The following RANGRF variants were observed in gnomAD, a reference collection of about 807,000 sequenced individuals.
RANGRF encodes the protein MOG1 homolog.
A neutral mutation model predicts 21.8 loss-of-function variants in RANGRF; 17 were observed. The observed-to-expected ratio is 0.78, with a 90% CI of 0.53 to 1.17. The LOEUF (loss-of-function observed/expected upper bound fraction) is 1.17, where lower values mean the gene tolerates loss of function less well. Ranked by LOEUF, RANGRF falls within the 50% of genes most tolerant of loss-of-function variation. The probability of loss-of-function intolerance (pLI) is 0.00; values close to 1 mark genes in which losing one functional copy is unlikely to be tolerated. For synonymous variants in RANGRF, 97 were observed against 94.3 expected, an observed-to-expected ratio of 1.03 and a Z score of -0.17; for missense variants, 225 against 235.5, an observed-to-expected ratio of 0.96 and a Z score of 0.29.
At chr17:8,289,730 G>C in intron 4 of RANGRF, 83 bp from the exon 5 acceptor site, 1 of 1,613,950 alleles carries the variant, frequency 6.2e-7, no homozygotes, top group Admixed American at 1.7e-5. Context: ...CTGATACCCA[G>C]GTCCTCTGGG....
rs1990292207 is a variant in RANGRF at position 8,289,310 on chromosome 17, G to A, written c.247G>A (p.Glu83Lys). The A allele has an allele frequency of 1.9e-6, 3 of 1,614,016 alleles. No individual in the cohort carries two copies. Among genetic ancestry groups the A allele is most frequent in the Admixed American group, 1.7e-5 (1 of 60,006 alleles). Reference sequence around the variant, plus strand: ...GCAGGGGGCTAGGGCTGTCCATGTGGAGTCTGTTCAGCCTCTCAGTTTGGA... The same window carrying A: ...GCAGGGGGCTAGGGCTGTCCATGTGAAGTCTGTTCAGCCTCTCAGTTTGGA... ...GVQGARAVHV[E>K]SVQPLSLENL... The change falls in exon 3 of 5, where the codon GAG becomes AAG. Residue 83 changes from glutamate (E) to lysine (K), a missense_variant. By Grantham distance (56) the Glu-to-Lys change is moderately conservative. Transcript: ENST00000226105.
rs762109580 is a variant in RANGRF, at chr17:8,289,010, C to A, written c.132C>A (p.Asp44Glu). The change falls in exon 2 of 5, where the codon GAC becomes GAA. Residue 44 changes from aspartate to glutamate, a missense_variant. By Grantham distance (45) the Asp-to-Glu change is conservative (BLOSUM62 2). Coordinates refer to ENST00000226105, the MANE Select transcript of RANGRF (RefSeq NM_016492.5). ...AAGTTTTCTGCCATCCCGTGACGGA[C>A]CAGAGCCTGATAGTGGAACTTCTCG... Reference protein sequence around the residue: ...NQEVFCHPVTDQSLIVELLEL... With the variant: ...NQEVFCHPVTEQSLIVELLEL... The A allele has an allele frequency of 2.0e-5, 33 of 1,613,998 alleles. No homozygotes were observed. Among genetic ancestry groups the A allele is most frequent in the Non-Finnish European group, 2.6e-5 (31 of 1,180,040 alleles).
chr17:8,289,311 A>C lies in RANGRF; in HGVS notation c.248A>C (p.Glu83Ala). 6.2e-7 allele frequency: 1 copy of C among 1,614,028 alleles called. No homozygotes were observed. The highest frequency in any genetic ancestry group is 1.1e-5 in the South Asian group (1 of 91,066). ...GVQGARAVHV[E>A]SVQPLSLENL... ...CAGGGGGCTAGGGCTGTCCATGTGG[A>C]GTCTGTTCAGCCTCTCAGTTTGGAG... The change falls in exon 3 of 5, where the codon GAG (glutamate) becomes GCG (alanine). Residue 83 changes from glutamate (E) to alanine (A), a missense_variant. Glu to Ala is a moderately radical substitution (Grantham distance 107). Coordinates refer to ENST00000226105, the MANE Select transcript of RANGRF (RefSeq NM_016492.5).
At chr17:8,289,103 C>A in intron 2 of RANGRF, 31 bp downstream of exon 2, 14 of 1,608,658 alleles carry the variant, frequency 8.7e-6, no homozygotes, top group Non-Finnish European at 1.2e-5. Context: ...TGGCCAATGG[C>A]AGGGGCGGGG....
chr17:8,289,089 C>T lies in RANGRF; in HGVS notation c.194+17C>T. Reference sequence around the variant, plus strand: ...GGCTGCGCGGTGAGGGAATGGCCCCCGGCTGGCCAATGGCAGGGGCGGGGT... The same window carrying T: ...GGCTGCGCGGTGAGGGAATGGCCCCTGGCTGGCCAATGGCAGGGGCGGGGT... On this transcript the variant is annotated intron_variant, in intron 2 of 4. Coordinates refer to ENST00000226105, the MANE Select transcript of RANGRF (RefSeq NM_016492.5). 1 of 1,612,350 alleles carries T rather than the reference C, an allele frequency of 6.2e-7. No individual in the cohort carries two copies. The highest frequency in any genetic ancestry group is 8.5e-7 in the Non-Finnish European group (1 of 1,179,310).
chr17:8,289,260 ACCACTTT>A lies in RANGRF; in HGVS notation c.198_204del (p.Tyr66Ter). 6.2e-7 allele frequency: 1 copy of A among 1,613,506 alleles called. No homozygotes were observed. The highest frequency in any genetic ancestry group is 8.5e-7 in the Non-Finnish European group (1 of 1,179,974). The stretch of plus-strand genomic sequence containing the variant: ...CTGACCCCGCTTCCCTACTCCAGGT[ACCACTTT>A]GAGGATGTTGGTGGCGTGCAGGGGG... On this transcript the variant is annotated frameshift_variant, in exon 3 of 5. Transcript: ENST00000226105. LOFTEE classifies it high-confidence loss of function.
rs35420920 is a variant in RANGRF, at chr17:8,289,885, G to A, written c.510G>A (p.Gln170=). The A allele has an allele frequency of 2.2e-3, 3,592 of 1,614,180 alleles. 10 individuals carry two copies. The highest frequency in any genetic ancestry group is 2.6e-3 in the Non-Finnish European group (3,048 of 1,180,040). Residue 170 remains glutamine, a synonymous_variant, in exon 5 of 5, where the codon CAG becomes CAA. Transcript: ENST00000226105. ...CCTGGAGCCTGGGTGACTTTGAACA[G>A]CTGGTGACCAGTCTGACCCTTCACG... ...PAPWSLGDFE[Q]LVTSLTLHDP...
rs1486202799 is a variant in RANGRF, at chr17:8,289,449, G to A, written c.351+35G>A. The stretch of plus-strand genomic sequence containing the variant: ...CGAGAGTGTGTAATGTCCTGGAAGG[G>A]CGGTAGCGGGGACGCAGAGATCCAG... On this transcript the variant is annotated intron_variant, in intron 3 of 4. Coordinates refer to ENST00000226105, the MANE Select transcript of RANGRF (RefSeq NM_016492.5). The A allele has an allele frequency of 2.6e-5, 42 of 1,614,002 alleles. No homozygotes were observed. In the East Asian group the frequency reaches 8.9e-4, roughly 34 times the overall value.
At position 8,289,987 on chromosome 17, in the gene RANGRF, G is replaced by A; in HGVS notation, c.*51G>A. On this transcript the variant is annotated 3_prime_UTR_variant, in exon 5 of 5. Coordinates refer to ENST00000226105, the MANE Select transcript of RANGRF (RefSeq NM_016492.5). ...GCTGAGAACTTGGGGACTCGGTTCTGTGAGGGGGAAAAGAGGTTGAAAAGA... is the reference window on the plus strand; with the variant it reads ...GCTGAGAACTTGGGGACTCGGTTCTATGAGGGGGAAAAGAGGTTGAAAAGA... The A allele has an allele frequency of 1.2e-6, 2 of 1,611,908 alleles. No homozygotes were observed. Among genetic ancestry groups the A allele is most frequent in the South Asian group, 2.2e-5 (2 of 91,052 alleles).
At position 8,288,801 on chromosome 17, in the gene RANGRF, A is replaced by G; in HGVS notation, c.13A>G (p.Arg5Gly). MEPT[R>G]DCPLFGGAFS... ...CAGCCTCAGACCCATGGAGCCCACGAGAGACTGCCCGCTGTTCGGGGGCGC... is the reference window on the plus strand; with the variant it reads ...CAGCCTCAGACCCATGGAGCCCACGGGAGACTGCCCGCTGTTCGGGGGCGC... The change falls in exon 1 of 5, where the codon AGA becomes GGA. Residue 5 changes from arginine to glycine, a missense_variant. Physicochemically the swap from Arg to Gly is moderately radical, Grantham distance 125. Transcript: ENST00000226105. 1 of 1,614,098 alleles carries G rather than the reference A, an allele frequency of 6.2e-7. No individual in the cohort carries two copies. The highest frequency in any genetic ancestry group is 8.5e-7 in the Non-Finnish European group (1 of 1,180,004).
rs1990365553 is a variant in RANGRF at position 8,290,076 on chromosome 17, C to A, written c.*140C>A. 1.9e-6 allele frequency: 3 copies of A among 1,545,630 alleles called. No homozygotes were observed. The highest frequency in any genetic ancestry group is 2.6e-6 in the Non-Finnish European group (3 of 1,145,646). On this transcript the variant is annotated 3_prime_UTR_variant, in exon 5 of 5. Transcript: ENST00000226105. ...ACAATCCCTCTTCAGAATAAACTTG[C>A]TTTATAATCAATATAATCTCTGTGC...
intron 4 of RANGRF, 30 bp downstream of exon 4, chr17:8,289,618 A>T (rs769310747): frequency 6.2e-7 from 1 of 1,604,658 alleles, no homozygotes; most frequent in Admixed American, 1.7e-5. Context: ...CGGGTATCTC[A>T]TGACTGGGTT....
At chr17:8,289,726 C>T (rs2151610880) in intron 4 of RANGRF, 87 bp from the exon 5 acceptor site, 1 of 1,613,886 alleles carries the variant, frequency 6.2e-7, no homozygotes. Context: ...GTAACTGATA[C>T]CCAGGTCCTC....
chr17:8,289,050 G>C lies in RANGRF; in HGVS notation c.172G>C (p.Val58Leu). 1.2e-6 allele frequency: 2 copies of C among 1,613,836 alleles called. No individual in the cohort carries two copies. Among genetic ancestry groups the C allele is most frequent in the Non-Finnish European group, 1.7e-6 (2 of 1,179,988 alleles). ...IVELLELQAH[V>L]RGEAAARYHF... ...GGAACTTCTCGAGCTGCAGGCCCAC[G>C]TACGGGGCGAAGCGGCTGCGCGGTG... The change falls in exon 2 of 5, where the codon GTA becomes CTA. Residue 58 changes from valine to leucine, a missense_variant. Physicochemically the swap from Val to Leu is conservative, Grantham distance 32. Transcript: ENST00000226105.
intron 4 of RANGRF, 105 bp downstream of exon 4, chr17:8,289,693 C>A: frequency 6.2e-7 from 1 of 1,609,404 alleles, no homozygotes; most frequent in Admixed American, 1.7e-5. Context: ...TCCAAGGAAG[C>A]AGGAGTGGGC....
At chr17:8,289,197 A>G in intron 2 of RANGRF, 61 bp from the exon 3 acceptor site, 6 of 1,604,652 alleles carry the variant, frequency 3.7e-6, no homozygotes, top group Non-Finnish European at 4.3e-6. Flanking sequence ...CCTGCAACTT[A>G]AAGATGCTCC....
At chr17:8,289,171 C>A in intron 2 of RANGRF, 87 bp from the exon 3 acceptor site, 2 of 1,600,934 alleles carry the variant, frequency 1.2e-6, no homozygotes, top group Admixed American at 1.7e-5. Flanking sequence ...AGACCACGCA[C>A]GGGCCGGGAG....
At position 8,289,974 on chromosome 17, in the gene RANGRF, G is replaced by T; in HGVS notation, c.*38G>T. On this transcript the variant is annotated 3_prime_UTR_variant, in exon 5 of 5. Transcript: ENST00000226105. The stretch of plus-strand genomic sequence containing the variant: ...ACTGCATGATGTTGCTGAGAACTTG[G>T]GGACTCGGTTCTGTGAGGGGGAAAA... 1 of 1,613,250 alleles carries T rather than the reference G, an allele frequency of 6.2e-7. No homozygotes were observed. The highest frequency in any genetic ancestry group is 8.5e-7 in the Non-Finnish European group (1 of 1,179,246).
Position 8,289,980 on chromosome 17 carries a change from C to A in RANGRF, c.*44C>A. On this transcript the variant is annotated 3_prime_UTR_variant, in exon 5 of 5. Coordinates refer to ENST00000226105, the MANE Select transcript of RANGRF (RefSeq NM_016492.5). The stretch of plus-strand genomic sequence containing the variant: ...TGATGTTGCTGAGAACTTGGGGACT[C>A]GGTTCTGTGAGGGGGAAAAGAGGTT... 6.2e-7 allele frequency: 1 copy of A among 1,612,720 alleles called. No individual in the cohort carries two copies. The highest frequency in any genetic ancestry group is 1.3e-5 in the African/African-American group (1 of 74,998).
Sources: gnomAD v4.1 joint callset for allele counts on GRCh38, gnomAD v4.1.1 for gene constraint, MANE v1.5 for transcripts, NCBI Gene and HGNC (gene_info 2026-07-23, HGNC 2026-07-21) for gene names.